RAPGEF2: variants seen among roughly 807,000 people sequenced by gnomAD.
RAPGEF2 encodes PDZ domain containing guanine nucleotide exchange factor (GEF) 1.
Under a neutral mutation model 186.7 loss-of-function variants are expected in RAPGEF2, and 54 were observed. The observed-to-expected ratio is 0.29, with a 90% CI of 0.23 to 0.36. The LOEUF (loss-of-function observed/expected upper bound fraction) is 0.36. Among genes scored for constraint, RAPGEF2 ranks in the 10% least tolerant of loss-of-function variants. The probability of loss-of-function intolerance (pLI) is 1.00; values close to 1 mark genes in which losing one functional copy is unlikely to be tolerated. For missense variants in RAPGEF2, 1,532 were observed against 2,045.0 expected, an observed-to-expected ratio of 0.75 and a Z score of 4.84; for synonymous variants, 712 against 705.9, an observed-to-expected ratio of 1.01 and a Z score of -0.14.
intron 3 of RAPGEF2, among the ~76,000 whole-genome samples, chr4:159,194,285 C>G (rs1748402244): frequency 6.6e-6 from 1 of 152,158 alleles, no homozygotes; most frequent in Non-Finnish European, 1.5e-5. Flanking sequence ...GGAGAAGACG[C>G]AGTCTACAGT....
intron 1 of RAPGEF2, among the ~76,000 whole-genome samples, chr4:159,118,191 GC>G (rs1003143378): frequency 2.0e-5 from 3 of 152,130 alleles, no homozygotes; most frequent in African/African-American, 7.2e-5. Context: ...CCCATCACTG[GC>G]GTTACTGCCT....
rs1463939659 is a variant in RAPGEF2 at position 159,355,856 on chromosome 4, G to T, written c.4655G>T (p.Arg1552Leu). Reference sequence around the variant, plus strand: ...TGGTGCATTGTTTCTACTCTAGCACGAAAGGAGGGCAGGTATCGAGAGCCC... The same window carrying T: ...TGGTGCATTGTTTCTACTCTAGCACTAAAGGAGGGCAGGTATCGAGAGCCC... ...ASSTTKGLIA[R>L]KEGRYREPPP... Residue 1552 changes from arginine to leucine, a missense_variant, in exon 29 of 30, where the codon CGA (arginine) becomes CTA (leucine). Physicochemically the swap from Arg to Leu is moderately radical, Grantham distance 102. This residue lies in a region of RAPGEF2 where 594 missense variants were observed against 608.5 expected (regional missense o/e 0.98). Coordinates refer to ENST00000691494, the MANE Select transcript of RAPGEF2 (RefSeq NM_001394067.2). The T allele has an allele frequency of 6.5e-7, 1 of 1,544,870 alleles. No individual in the cohort carries two copies. The highest frequency in any genetic ancestry group is 8.8e-7 in the Non-Finnish European group (1 of 1,142,830).
chr4:159,291,573 G>C (rs1200735549), intron 7 of RAPGEF2, among the ~76,000 whole-genome samples: 1 of 152,174 alleles, frequency 6.6e-6, no homozygotes, highest in East Asian at 1.9e-4. Flanking sequence ...TGGGATTACA[G>C]GCATGAGCCA....
intron 7 of RAPGEF2, among the ~76,000 whole-genome samples, chr4:159,283,939 C>A (rs146642300): frequency 5.2e-4 from 79 of 152,200 alleles, no homozygotes; most frequent in Non-Finnish European, 8.2e-4. Flanking sequence ...TCTCCACCCC[C>A]CTCCCCAAAT....
intron 9 of RAPGEF2, among the ~76,000 whole-genome samples, chr4:159,321,878 AT>A (rs1407601002): frequency 1.3e-5 from 2 of 152,018 alleles, no homozygotes; most frequent in Non-Finnish European, 2.9e-5. Flanking sequence ...TTTTTTATGG[AT>A]TTGATACATG....
chr4:159,189,460 G>A (rs1747892869), intron 2 of RAPGEF2, among the ~76,000 whole-genome samples: 1 of 142,270 alleles, frequency 7.0e-6, no homozygotes, highest in African/African-American at 2.4e-5. Flanking sequence ...CAGCATATTT[G>A]CCAGCGGGGA....
intron 1 of RAPGEF2, among the ~76,000 whole-genome samples, chr4:159,156,327 A>G (rs1744113859): frequency 6.6e-6 from 1 of 152,178 alleles, no homozygotes; most frequent in Admixed American, 6.5e-5. Flanking sequence ...TTCTGAATAT[A>G]TTGTTACTAA....
intron 1 of RAPGEF2, among the ~76,000 whole-genome samples, chr4:159,118,360 G>A (rs980133489): frequency 6.6e-6 from 1 of 152,110 alleles, no homozygotes; most frequent in African/African-American, 2.4e-5. Context: ...CCTAGTTGCA[G>A]GAAAACAAGC....
At chr4:159,304,801 A>G (rs1289232272) in intron 8 of RAPGEF2, among the ~76,000 whole-genome samples, 1 of 152,110 alleles carries the variant, frequency 6.6e-6, no homozygotes, top group African/African-American at 2.4e-5. Flanking sequence ...CCAATAACCT[A>G]CATGGTGCCC....
chr4:159,146,478 T>A (rs1742979851), intron 1 of RAPGEF2, among the ~76,000 whole-genome samples: 1 of 152,206 alleles, frequency 6.6e-6, no homozygotes, highest in Non-Finnish European at 1.5e-5. Flanking sequence ...AAAAGTCATT[T>A]GATGACTGCT....
intron 7 of RAPGEF2, among the ~76,000 whole-genome samples, chr4:159,278,664 C>G (rs1296207628): frequency 6.6e-6 from 1 of 152,162 alleles, no homozygotes; most frequent in Non-Finnish European, 1.5e-5. Flanking sequence ...AGAGCTGTAG[C>G]ATTGTGGTCA....
At chr4:159,255,859 C>T (rs554515047) in intron 7 of RAPGEF2, among the ~76,000 whole-genome samples, 143 of 152,034 alleles carry the variant, frequency 9.4e-4, no homozygotes, top group Non-Finnish European at 1.6e-3. Context: ...AAATTTTTGT[C>T]GAACAGATTT....
In RAPGEF2 at chr4:159,104,148, G is replaced by A. The variant is rs757419212; in HGVS notation, c.-15G>A. On this transcript the variant is annotated 5_prime_UTR_variant, in exon 1 of 30. Transcript: ENST00000691494. ...CCAGGGTGCGGAGCGGCCCCGGCCCGCTCCCAGAGGGGAGATGGCGTCCTA... is the reference window on the plus strand; with the variant it reads ...CCAGGGTGCGGAGCGGCCCCGGCCCACTCCCAGAGGGGAGATGGCGTCCTA... The A allele has an allele frequency of 1.3e-5, 19 of 1,514,832 alleles. No individual in the cohort carries two copies. The African/African-American group carries it at 1.8e-4, about 14-fold the overall frequency. 93.8% of individuals were successfully genotyped at this position (1,514,832 alleles called of 1,614,324 possible).
At chr4:159,172,321 C>T (rs1329929521) in intron 1 of RAPGEF2, among the ~76,000 whole-genome samples, 2 of 152,198 alleles carry the variant, frequency 1.3e-5, no homozygotes, top group East Asian at 1.9e-4. Context: ...TGAGGCAACA[C>T]ACATTTTAAG....
In RAPGEF2 at chr4:159,332,621, A is replaced by G. The variant is rs765364608; in HGVS notation, c.2059A>G (p.Thr687Ala). The change falls in exon 17 of 30, where the codon ACT becomes GCT. Residue 687 changes from threonine to alanine, a missense_variant. Coordinates refer to ENST00000691494, the MANE Select transcript of RAPGEF2 (RefSeq NM_001394067.2). ...EKVNKKSKANTVGGRNKLKKI... is the reference protein window; with the variant it reads ...EKVNKKSKANAVGGRNKLKKI... ...AGTGAACAAAAAAAGTAAAGCCAAC[A>G]CTGTGGGAGGAAGGAACAAGCTGAA... 1.2e-6 allele frequency: 2 copies of G among 1,614,162 alleles called. No homozygotes were observed. The highest frequency in any genetic ancestry group is 1.7e-6 in the Non-Finnish European group (2 of 1,180,012).
intron 1 of RAPGEF2, among the ~76,000 whole-genome samples, chr4:159,164,150 G>T (rs1051874225): frequency 6.6e-6 from 1 of 151,770 alleles, no homozygotes; most frequent in African/African-American, 2.4e-5. Context: ...GACTACAGGC[G>T]CCCACCACCA....
chr4:159,124,444 C>T (rs1261582323), intron 1 of RAPGEF2, among the ~76,000 whole-genome samples: 6 of 151,986 alleles, frequency 3.9e-5, no homozygotes, highest in Non-Finnish European at 2.9e-5. Flanking sequence ...GAAGCTGAGG[C>T]AGGAGAATTG....
intron 13 of RAPGEF2, chr4:159,330,764 A>G (rs1766583088): frequency 2.8e-6 from 1 of 357,254 alleles, no homozygotes; most frequent in Admixed American, 5.0e-5. Context: ...ACATTTTTTT[A>G]AGTTCTGTTG....
chr4:159,286,168 G>A (rs910634849), intron 7 of RAPGEF2, among the ~76,000 whole-genome samples: 8 of 151,012 alleles, frequency 5.3e-5, no homozygotes, highest in Non-Finnish European at 8.8e-5. Flanking sequence ...CACTGGGGTT[G>A]CCATCTATGC....
Sources: gnomAD v4.1 joint callset for allele counts (sites outside exome capture counted in the v4.1 genomes callset) on GRCh38, gnomAD v4.1.1 for gene constraint, gnomAD v4.1.1 regional missense constraint, MANE v1.5 for transcripts, NCBI Gene and HGNC (gene_info 2026-07-23, HGNC 2026-07-21) for gene names.